MAGI2: variants seen among roughly 807,000 people sequenced by gnomAD.
MAGI2 encodes membrane associated guanylate kinase, WW and PDZ domain containing 2, also known as membrane-associated guanylate kinase, WW and PDZ domain-containing protein 2.
Under a neutral mutation model 133.3 loss-of-function variants are expected in MAGI2, and 35 were observed. That is an observed-to-expected ratio of 0.26 (90% CI 0.20 to 0.35). The LOEUF (loss-of-function observed/expected upper bound fraction) is 0.35, where lower values mean the gene tolerates loss of function less well. Ranked by LOEUF, MAGI2 falls within the 10% of genes least tolerant of loss-of-function variation. MAGI2 has a pLI of 1.00. For synonymous variants in MAGI2, 729 were observed against 710.6 expected (o/e 1.03, Z -0.41); for missense variants, 1,636 against 1,863.4 (o/e 0.88, Z 2.25).
intron 2 of MAGI2, among the ~76,000 whole-genome samples, chr7:78,892,371 A>G (rs569912758): frequency 0.015 from 2,289 of 152,284 alleles, 70 homozygotes; most frequent in African/African-American, 0.053. Flanking sequence ...CAGAATTGGA[A>G]AAAACTACTT....
At chr7:79,449,169 C>A (rs1224855189) in intron 1 of MAGI2, among the ~76,000 whole-genome samples, 1 of 152,002 alleles carries the variant, frequency 6.6e-6, no homozygotes, top group African/African-American at 2.4e-5. Context: ...GTATAGAGAT[C>A]TGACTCTATT....
intron 1 of MAGI2, among the ~76,000 whole-genome samples, chr7:79,115,820 T>A (rs1819339778): frequency 6.6e-6 from 1 of 151,102 alleles, no homozygotes; most frequent in Non-Finnish European, 1.5e-5. Flanking sequence ...AAAATTAATT[T>A]AAAATGTCTC....
chr7:78,892,719 A>G (rs2151573748), intron 2 of MAGI2, among the ~76,000 whole-genome samples: 1 of 152,322 alleles, frequency 6.6e-6, no homozygotes, highest in African/African-American at 2.4e-5. Flanking sequence ...ACCTTACACA[A>G]AAATTAATTC....
rs552317985 is a variant in MAGI2 at position 79,049,140 on chromosome 7, G to GA, written c.302-41935dup. On this transcript the variant is annotated intron_variant, in intron 1 of 21. Coordinates refer to ENST00000354212, the MANE Select transcript of MAGI2 (RefSeq NM_012301.4). The stretch of plus-strand genomic sequence containing the variant: ...TCTTTAATGTTACTCATCCACAAAG[G>GA]AAAAAATGACATGATTAAAAGTGTG... Among the ~76,000 whole-genome samples, 66 of 151,960 alleles carry GA rather than the reference G, an allele frequency of 4.3e-4. 2 individuals carry two copies. In the South Asian group the frequency reaches 0.013, roughly 31 times the overall value.
intron 6 of MAGI2, among the ~76,000 whole-genome samples, chr7:78,389,233 T>C (rs1185797359): frequency 2.0e-5 from 3 of 151,896 alleles, no homozygotes; most frequent in African/African-American, 7.3e-5. Flanking sequence ...GAAGCGAGAG[T>C]TGAAAAACTC....
chr7:78,764,911 AC>A (rs71085564), intron 2 of MAGI2, among the ~76,000 whole-genome samples: 62,040 of 151,946 alleles, frequency 0.41, 13,151 homozygotes, highest in Non-Finnish European at 0.48. Flanking sequence ...ACAACTTATT[AC>A]CAGCTTAGTT....
chr7:78,078,672 C>A, intron 21 of MAGI2: 1 of 558,018 alleles, frequency 1.8e-6, no homozygotes, highest in Non-Finnish European at 3.1e-6. Flanking sequence ...CTCGCACACT[C>A]ACAGATGCCC....
At chr7:78,905,388 C>G (rs757640036) in intron 2 of MAGI2, among the ~76,000 whole-genome samples, 5 of 152,182 alleles carry the variant, frequency 3.3e-5, no homozygotes, top group Non-Finnish European at 5.9e-5. Context: ...ACTTCAAAGT[C>G]TGCTTACACC....
At chr7:78,926,421 A>G (rs1799696519) in intron 2 of MAGI2, among the ~76,000 whole-genome samples, 1 of 152,064 alleles carries the variant, frequency 6.6e-6, no homozygotes, top group Non-Finnish European at 1.5e-5. Context: ...AGTGCAAACA[A>G]TGAATACAGA....
chr7:79,260,729 C>T (rs2129556372), intron 1 of MAGI2, among the ~76,000 whole-genome samples: 1 of 152,244 alleles, frequency 6.6e-6, no homozygotes, highest in African/African-American at 2.4e-5. Flanking sequence ...TAAACAATTA[C>T]CTTCAGGCTA....
At chr7:78,579,961 C>T (rs988489430) in intron 3 of MAGI2, among the ~76,000 whole-genome samples, 5 of 152,150 alleles carry the variant, frequency 3.3e-5, no homozygotes, top group African/African-American at 1.2e-4. Flanking sequence ...CAGTATTGTA[C>T]ACCTGGCATA....
intron 6 of MAGI2, among the ~76,000 whole-genome samples, chr7:78,462,835 G>A (rs575293608): frequency 6.6e-5 from 10 of 152,258 alleles, no homozygotes; most frequent in South Asian, 2.1e-4. Flanking sequence ...TGACAAACCC[G>A]CGTGGTTCCT....
rs151202634 is a variant in MAGI2, at chr7:78,182,465, A to G, written c.2311+3164T>C. 7.0e-3 allele frequency among the ~76,000 whole-genome samples: 1,071 copies of G among 152,216 alleles called. 39 individuals carry two copies. The highest frequency in any genetic ancestry group is 0.067 in the Admixed American group (1,019 of 15,286). On this transcript the variant is annotated intron_variant, in intron 13 of 21. Coordinates refer to ENST00000354212, the MANE Select transcript of MAGI2 (RefSeq NM_012301.4). Reference sequence around the variant, plus strand: ...TAGTAGAAGCCATCTCCCAGTTTCTATTTGGTTCTCTCCTCAGCCTTCACA... The same window carrying G: ...TAGTAGAAGCCATCTCCCAGTTTCTGTTTGGTTCTCTCCTCAGCCTTCACA...
chr7:78,717,682 ATTAT>A (rs1304437314), intron 2 of MAGI2, among the ~76,000 whole-genome samples: 2 of 152,168 alleles, frequency 1.3e-5, no homozygotes, highest in East Asian at 1.9e-4. Flanking sequence ...ACTTACAGCT[ATTAT>A]TTATTTAGTT....
intron 1 of MAGI2, among the ~76,000 whole-genome samples, chr7:79,310,390 C>A (rs1838191206): frequency 6.6e-6 from 1 of 151,940 alleles, no homozygotes. Flanking sequence ...TAGTGTGCAT[C>A]AGAATCACCA....
chr7:78,993,299 A>T (rs1805971010), intron 2 of MAGI2, among the ~76,000 whole-genome samples: 1 of 152,128 alleles, frequency 6.6e-6, no homozygotes, highest in Admixed American at 6.6e-5. Context: ...ATAAAATCTG[A>T]TAACAATTAT....
At chr7:78,779,813 A>G (rs936316352) in intron 2 of MAGI2, among the ~76,000 whole-genome samples, 4 of 152,186 alleles carry the variant, frequency 2.6e-5, no homozygotes, top group Non-Finnish European at 5.9e-5. Flanking sequence ...GCTATGTGCA[A>G]CATCCCTTTC....
intron 3 of MAGI2, among the ~76,000 whole-genome samples, chr7:78,532,543 C>G (rs918691375): frequency 6.6e-6 from 1 of 151,870 alleles, no homozygotes; most frequent in African/African-American, 2.4e-5. Context: ...TGTGGAAGGT[C>G]ATATATAAAG....
chr7:78,160,169 G>C lies in MAGI2; in HGVS notation c.2701C>G (p.Pro901Ala). The change falls in exon 16 of 22, where the codon CCC becomes GCC. Residue 901 changes from proline to alanine, a missense_variant. By Grantham distance (27) the Pro-to-Ala change is conservative (BLOSUM62 -1). This residue lies in a region of MAGI2 where 920 missense variants were observed against 1,093.5 expected (regional missense o/e 0.84). Coordinates refer to ENST00000354212, the MANE Select transcript of MAGI2 (RefSeq NM_012301.4). ...ATYTNSNHAA[P>A]SSNASPPEGF... ...TCAGGGGGAGAGGCATTGCTACTGG[G>C]GGCAGCGTGGTTGCTGTTGGTGTAG... The C allele has an allele frequency of 6.2e-7, 1 of 1,612,898 alleles. No individual in the cohort carries two copies. Among genetic ancestry groups the C allele is most frequent in the Non-Finnish European group, 8.5e-7 (1 of 1,179,444 alleles).
Sources: gnomAD v4.1 joint callset for allele counts (sites outside exome capture counted in the v4.1 genomes callset) on GRCh38, gnomAD v4.1.1 for gene constraint, gnomAD v4.1.1 regional missense constraint, MANE v1.5 for transcripts, NCBI Gene and HGNC (gene_info 2026-07-23, HGNC 2026-07-21) for gene names.